ERG: variants seen among roughly 807,000 people sequenced by gnomAD.
The protein encoded by ERG is transcriptional regulator ERG.
In ERG, 9 loss-of-function variants were observed where a neutral mutation model predicts 55.3. The observed-to-expected ratio is 0.16, with a 90% CI of 0.10 to 0.28. ERG has a LOEUF of 0.28. Among genes scored for constraint, ERG ranks in the 10% least tolerant of loss-of-function variants. The pLI is 1.00. For missense variants in ERG, 434 were observed against 631.6 expected (o/e 0.69, Z 3.35); for synonymous variants, 223 against 237.3 (o/e 0.94, Z 0.55).
chr21:38,373,808 A>T, the ERG span, among the ~76,000 whole-genome samples: 1 of 152,252 alleles, frequency 6.6e-6, no homozygotes, highest in Non-Finnish European at 1.5e-5. Context: ...GAAAGAATAA[A>T]TAAATTTCTG....
At chr21:38,430,590 A>G (rs1990157162) in intron 2 of ERG, among the ~76,000 whole-genome samples, 1 of 152,236 alleles carries the variant, frequency 6.6e-6, no homozygotes. Context: ...AGCTGGGAAG[A>G]CAGATACTTC....
intron 1 of ERG, chr21:38,660,521 C>T (rs1568978875): frequency 1.3e-5 from 2 of 152,080 alleles, no homozygotes; most frequent in African/African-American, 4.8e-5. Flanking sequence ...GCTGGACTTA[C>T]CGAGAGGTTA....
At chr21:38,620,719 G>C (rs894853300) in intron 1 of ERG, among the ~76,000 whole-genome samples, 4 of 152,180 alleles carry the variant, frequency 2.6e-5, no homozygotes, top group Non-Finnish European at 5.9e-5. Context: ...ATTCACTATT[G>C]CCCAAGGACA....
At chr21:38,544,961 G>T (rs1424625342) in intron 2 of ERG, among the ~76,000 whole-genome samples, 1 of 152,110 alleles carries the variant, frequency 6.6e-6, no homozygotes, top group African/African-American at 2.4e-5. Context: ...TAACCAGGAA[G>T]CTTCTACCCG....
chr21:38,422,932 T>C (rs2146500624), intron 3 of ERG, among the ~76,000 whole-genome samples: 1 of 152,262 alleles, frequency 6.6e-6, no homozygotes, highest in East Asian at 1.9e-4. Flanking sequence ...AAGGACAGGA[T>C]ATTTGGAACA....
intron 1 of ERG, among the ~76,000 whole-genome samples, chr21:38,652,525 C>A (rs140909174): frequency 1.3e-5 from 2 of 152,174 alleles, no homozygotes; most frequent in African/African-American, 4.8e-5. Context: ...AACATAAACT[C>A]GAGCTAGGAA....
At chr21:38,634,372 C>A (rs1258913718) in intron 1 of ERG, among the ~76,000 whole-genome samples, 2 of 152,168 alleles carry the variant, frequency 1.3e-5, no homozygotes, top group Non-Finnish European at 2.9e-5. Flanking sequence ...TTCACGCTCA[C>A]AAACACAGCT....
At chr21:38,372,025 CT>C in the ERG span, among the ~76,000 whole-genome samples, 1 of 151,954 alleles carries the variant, frequency 6.6e-6, no homozygotes, top group Non-Finnish European at 1.5e-5. Context: ...TCTTTAATGG[CT>C]GTAAGATCAT....
chr21:38,599,043 C>A (rs1025425303), intron 1 of ERG, among the ~76,000 whole-genome samples: 2 of 152,160 alleles, frequency 1.3e-5, no homozygotes, highest in Admixed American at 6.5e-5. Context: ...TCAAAAAAAC[C>A]ATTTAGGCTG....
At position 38,380,178 on chromosome 21, in the gene ERG, G is replaced by T; in HGVS notation, c.*3225C>A. ...TCCAGGCAATGGGTCACTTTGGGGC[G>T]CTGCAGAACATCTGTGCTTTCCCTG... On this transcript the variant is annotated 3_prime_UTR_variant, in exon 10 of 10. Coordinates refer to ENST00000288319, the MANE Select transcript of ERG (RefSeq NM_182918.4). The T allele has an allele frequency of 1.9e-6, 2 of 1,046,714 alleles. No homozygotes were observed. The highest frequency in any genetic ancestry group is 2.3e-6 in the Non-Finnish European group (2 of 867,764). 64.8% of individuals were successfully genotyped at this position (1,046,714 alleles called of 1,614,324 possible).
At chr21:38,620,427 C>T (rs1055265967) in intron 1 of ERG, among the ~76,000 whole-genome samples, 11 of 152,284 alleles carry the variant, frequency 7.2e-5, no homozygotes, top group African/African-American at 1.7e-4. Flanking sequence ...TCTGCAGGCC[C>T]GCAGCCAGCT....
At chr21:38,423,815 G>A (rs1989670904) in intron 2 of ERG, among the ~76,000 whole-genome samples, 1 of 151,934 alleles carries the variant, frequency 6.6e-6, no homozygotes, top group Non-Finnish European at 1.5e-5. Flanking sequence ...GTGAAACCCC[G>A]TCTCTACTAA....
At chr21:38,557,073 C>T (rs2059862958) in intron 2 of ERG, among the ~76,000 whole-genome samples, 1 of 152,282 alleles carries the variant, frequency 6.6e-6, no homozygotes, top group African/African-American at 2.4e-5. Context: ...GTGGGACTCT[C>T]CACTGAACTC....
intron 9 of ERG, among the ~76,000 whole-genome samples, chr21:38,387,924 T>A (rs1193424719): frequency 6.6e-6 from 1 of 152,170 alleles, no homozygotes; most frequent in Non-Finnish European, 1.5e-5. Context: ...TTGGCAAGGG[T>A]TGAAATCCAG....
chr21:38,530,557 G>T (rs2059665149), intron 2 of ERG, among the ~76,000 whole-genome samples: 1 of 152,156 alleles, frequency 6.6e-6, no homozygotes, highest in South Asian at 2.1e-4. Flanking sequence ...AAAACTGTCT[G>T]GCAGAATTCT....
intron 1 of ERG, among the ~76,000 whole-genome samples, chr21:38,481,482 C>T (rs189969129): frequency 6.6e-6 from 1 of 152,204 alleles, no homozygotes; most frequent in African/African-American, 2.4e-5. Context: ...AATGTTTTAA[C>T]CAGTAAGGCT....
At chr21:38,630,495 G>A (rs1401429873) in intron 1 of ERG, among the ~76,000 whole-genome samples, 1 of 152,138 alleles carries the variant, frequency 6.6e-6, no homozygotes, top group African/African-American at 2.4e-5. Flanking sequence ...CCTCTACCTG[G>A]AAGTTCAACC....
intron 2 of ERG, among the ~76,000 whole-genome samples, chr21:38,548,753 C>T (rs1474211885): frequency 3.4e-5 from 5 of 149,214 alleles, no homozygotes; most frequent in East Asian, 2.0e-4. Context: ...CGTGAGCCAC[C>T]GTGCCTGGCC....
At chr21:38,452,942 T>A (rs2058954808) in intron 1 of ERG, among the ~76,000 whole-genome samples, 1 of 152,228 alleles carries the variant, frequency 6.6e-6, no homozygotes, top group African/African-American at 2.4e-5. Context: ...TAACCTCAAA[T>A]GCTTGTTGGT....
Sources: gnomAD v4.1 joint callset for allele counts (sites outside exome capture counted in the v4.1 genomes callset) on GRCh38, gnomAD v4.1.1 for gene constraint, MANE v1.5 for transcripts, NCBI Gene and HGNC (gene_info 2026-07-23, HGNC 2026-07-21) for gene names.